MTA3: variants seen among roughly 807,000 people sequenced by gnomAD.
The protein encoded by MTA3 is metastasis associated 1 family member 3, also known as metastasis-associated protein MTA3.
MTA3 carries 34 observed loss-of-function variants against 83.5 expected under a neutral mutation model. That is an observed-to-expected ratio of 0.41 (90% confidence interval 0.31 to 0.54). The LOEUF is 0.54. Among genes scored for constraint, MTA3 ranks in the 20% least tolerant of loss-of-function variants. The pLI, the probability that MTA3 is intolerant of heterozygous loss-of-function variation, is 0.33. For synonymous variants in MTA3, 303 were observed against 252.7 expected, an observed-to-expected ratio of 1.20 and a Z score of -1.89; for missense variants, 761 against 726.4, an observed-to-expected ratio of 1.05 and a Z score of -0.55.
At chr2:42,554,324 G>A (rs920225715) in intron 2 of MTA3, among the ~76,000 whole-genome samples, 2 of 152,182 alleles carry the variant, frequency 1.3e-5, no homozygotes, top group Admixed American at 1.3e-4. Context: ...CCAGAACTCC[G>A]TTTCATTTAT....
At position 42,615,633 on chromosome 2, in the gene MTA3, C is replaced by T. The variant is rs543953725; in HGVS notation, c.317+6049C>T. ...CGTCCCAAAGTGCTGGAATTACAGG[C>T]TTGAGCCACTGCGCCTGGCCAATTT... On this transcript the variant is annotated intron_variant, in intron 4 of 16. Transcript: ENST00000405094. 5.5e-4 allele frequency among the ~76,000 whole-genome samples: 83 copies of T among 149,996 alleles called. 1 individual carries two copies. The East Asian group carries it at 0.011, about 20-fold the overall frequency.
At chr2:42,727,016 A>AC (rs922660925) in intron 16 of MTA3, among the ~76,000 whole-genome samples, 2 of 152,096 alleles carry the variant, frequency 1.3e-5, no homozygotes, top group Non-Finnish European at 1.5e-5. Flanking sequence ...ACACAGTGAG[A>AC]CCCCAACTCT....
At chr2:42,661,506 C>CA (rs1296698587) in intron 8 of MTA3, among the ~76,000 whole-genome samples, 408 of 27,114 alleles carry the variant, frequency 0.015, 6 homozygotes, top group African/African-American at 0.05. Flanking sequence ...GACCCTGTCT[C>CA]AAAAAAAAAA....
chr2:42,709,860 T>C (rs1344948795), intron 14 of MTA3, among the ~76,000 whole-genome samples: 1 of 152,246 alleles, frequency 6.6e-6, no homozygotes, highest in African/African-American at 2.4e-5. Flanking sequence ...TCAACACATT[T>C]GGTCTTGCTT....
At chr2:42,708,163 T>C in intron 13 of MTA3, 109 bp downstream of exon 13, 1 of 1,151,276 alleles carries the variant, frequency 8.7e-7, no homozygotes, top group Non-Finnish European at 1.2e-6. Context: ...GAAAGCTACC[T>C]TTATAGCTAA....
chr2:42,532,657 A>G (rs1676032211), intron 2 of MTA3: 2 of 160,964 alleles, frequency 1.2e-5, no homozygotes, highest in East Asian at 3.5e-4. Context: ...GTACACAATT[A>G]AAATTTGGTT....
intron 2 of MTA3, among the ~76,000 whole-genome samples, chr2:42,543,701 G>C: frequency 6.8e-6 from 1 of 147,432 alleles, no homozygotes. Flanking sequence ...GCCCAGGCTG[G>C]TTTCAAACAT....
intron 16 of MTA3, among the ~76,000 whole-genome samples, chr2:42,735,528 T>C (rs1157120250): frequency 6.6e-6 from 1 of 152,210 alleles, no homozygotes; most frequent in Non-Finnish European, 1.5e-5. Context: ...AGAAGTTTTC[T>C]GTTATCCCTT....
intron 16 of MTA3, among the ~76,000 whole-genome samples, chr2:42,747,321 C>T (rs150201006): frequency 6.6e-6 from 1 of 152,202 alleles, no homozygotes; most frequent in Non-Finnish European, 1.5e-5. Flanking sequence ...TTCTTCTTGA[C>T]CTCTCTGTGC....
intron 2 of MTA3, among the ~76,000 whole-genome samples, chr2:42,504,017 G>C (rs998983978): frequency 7.3e-6 from 1 of 136,614 alleles, no homozygotes; most frequent in Non-Finnish European, 1.5e-5. Flanking sequence ...TCCACCTCCC[G>C]GGTTCAAGCG....
intron 2 of MTA3, among the ~76,000 whole-genome samples, chr2:42,543,324 C>T (rs766893441): frequency 3.3e-5 from 5 of 151,850 alleles, no homozygotes; most frequent in Non-Finnish European, 7.4e-5. Flanking sequence ...ATTACAGGTG[C>T]ACACCACCAT....
intron 3 of MTA3, among the ~76,000 whole-genome samples, chr2:42,587,571 C>T (rs997411807): frequency 7.3e-5 from 11 of 151,422 alleles, no homozygotes; most frequent in Non-Finnish European, 1.5e-4. Context: ...TTTTTTCTCT[C>T]GATTTTCCCT....
chr2:42,507,395 A>T (rs528315978), intron 2 of MTA3, among the ~76,000 whole-genome samples: 15 of 149,948 alleles, frequency 1.0e-4, no homozygotes, highest in African/African-American at 3.2e-4. Context: ...CTGGTCTCAA[A>T]CTCATGCAGT....
chr2:42,682,956 G>A (rs1448369905), intron 9 of MTA3, among the ~76,000 whole-genome samples: 1 of 152,096 alleles, frequency 6.6e-6, no homozygotes, highest in South Asian at 2.1e-4. Flanking sequence ...CCTGTAGCCC[G>A]AGCTACTGAA....
At chr2:42,516,777 C>T (rs980902062) in intron 2 of MTA3, among the ~76,000 whole-genome samples, 2 of 152,102 alleles carry the variant, frequency 1.3e-5, no homozygotes, top group Non-Finnish European at 2.9e-5. Flanking sequence ...CAAATGTAGG[C>T]GTGTGCAAAA....
intron 4 of MTA3, among the ~76,000 whole-genome samples, chr2:42,628,206 T>TTTTATCTATTTA (rs1686313020): frequency 1.4e-5 from 2 of 142,522 alleles, no homozygotes; most frequent in South Asian, 4.5e-4. Flanking sequence ...CTTCTTATCG[T>TTTTATCTATTTA]TTTATTTATT....
intron 2 of MTA3, among the ~76,000 whole-genome samples, chr2:42,513,372 T>G (rs1394195466): frequency 6.6e-6 from 1 of 152,120 alleles, no homozygotes; most frequent in Non-Finnish European, 1.5e-5. Context: ...TCTTTTCAGT[T>G]TGACAAATAT....
intron 7 of MTA3, among the ~76,000 whole-genome samples, chr2:42,658,453 C>T (rs767718924): frequency 3.9e-5 from 6 of 152,156 alleles, no homozygotes; most frequent in South Asian, 2.1e-4. Flanking sequence ...GATGAGACGT[C>T]GTACAACGGA....
rs113267983 is a variant in MTA3 at position 42,547,950 on chromosome 2, G to A, written c.-140-22487G>A. Among the ~76,000 whole-genome samples the A allele has an allele frequency of 8.5e-5, 13 of 152,268 alleles. 1 individual carries two copies. Among genetic ancestry groups the A allele is most frequent in the African/African-American group, 3.1e-4 (13 of 41,562 alleles). On this transcript the variant is annotated intron_variant, in intron 2 of 17. Transcript: ENST00000405592. ...AGCTAGGTTGCAGTTCGTCCACGAGGACTCAAATAAAGAAGTACGGAGTCC... is the reference window on the plus strand; with the variant it reads ...AGCTAGGTTGCAGTTCGTCCACGAGAACTCAAATAAAGAAGTACGGAGTCC...
Sources: gnomAD v4.1 joint callset for allele counts (sites outside exome capture counted in the v4.1 genomes callset) on GRCh38, gnomAD v4.1.1 for gene constraint, MANE v1.5 for transcripts, NCBI Gene and HGNC (gene_info 2026-07-23, HGNC 2026-07-21) for gene names.